CFAP47: variants seen among roughly 807,000 people sequenced by gnomAD.
CFAP47 encodes cilia- and flagella-associated protein 47.
CFAP47 carries 29 observed loss-of-function variants against 148.1 expected under a neutral mutation model. That is an observed-to-expected ratio of 0.20 (90% CI 0.15 to 0.27). The LOEUF (loss-of-function observed/expected upper bound fraction) is 0.27. CFAP47 is among the 10% of genes least tolerant of loss of function. The pLI, the probability that CFAP47 is intolerant of heterozygous loss-of-function variation, is 1.00. For missense variants in CFAP47, 1,872 were observed against 1,697.5 expected, an observed-to-expected ratio of 1.10 and a Z score of -1.81; for synonymous variants, 664 against 577.3, an observed-to-expected ratio of 1.15 and a Z score of -2.15.
intron 61 of CFAP47, among the ~76,000 whole-genome samples, chrX:36,362,345 T>A (rs1602126694): frequency 8.9e-6 from 1 of 112,117 alleles, no homozygotes; most frequent in South Asian, 3.7e-4. Context: ...GTTTGCAGCG[T>A]CTGTTTTTCC....
At chrX:35,969,924 TC>T (rs1363774739) in intron 10 of CFAP47, among the ~76,000 whole-genome samples, 1 of 111,750 alleles carries the variant, frequency 8.9e-6, no homozygotes, top group African/African-American at 3.2e-5. Flanking sequence ...TTCTTTTTTT[TC>T]ATTATACTTT....
At chrX:35,923,940 T>C (rs1935633603) in intron 1 of CFAP47, among the ~76,000 whole-genome samples, 1 of 75,204 alleles carries the variant, frequency 1.3e-5, no homozygotes, top group Admixed American at 1.6e-4. Context: ...TGTGTATATA[T>C]GTACATGTGT....
chrX:36,303,654 G>A (rs1347781166), intron 53 of CFAP47, among the ~76,000 whole-genome samples, 195 bp from the exon 54 acceptor site: 4 of 110,991 alleles, frequency 3.6e-5, no homozygotes, highest in Non-Finnish European at 7.5e-5. Context: ...ATTCCAGTAA[G>A]ACGTTATCTT....
At chrX:36,281,207 A>G (rs1347555520) in intron 50 of CFAP47, among the ~76,000 whole-genome samples, 1 of 112,218 alleles carries the variant, frequency 8.9e-6, no homozygotes, top group Non-Finnish European at 1.9e-5. Context: ...AGGCCTTAGT[A>G]AAGAAAAGTG....
chrX:36,149,584 TTTTA>T lies in CFAP47; in HGVS notation c.5786+389_5786+392del, dbSNP rs914889057. ...TGTATATAATTTAAAGATATATATA[TTTTA>T]TTTATTTATTTATTTATTTATTTAT... On this transcript the variant is annotated intron_variant, in intron 37 of 63. Coordinates refer to ENST00000378653, the MANE Select transcript of CFAP47 (RefSeq NM_001304548.2). Among the ~76,000 whole-genome samples, 105 of 99,777 alleles carry T rather than the reference TTTTA, an allele frequency of 1.1e-3. 2 individuals carry two copies. The highest frequency in any genetic ancestry group is 8.1e-3 in the East Asian group (25 of 3,073). The allele number at this position is 99,777 out of a possible 115,157, so 86.6% of individuals were successfully genotyped here. A position where few individuals can be genotyped will look rare whatever the true frequency, so the allele number is the denominator to read the frequency against.
chrX:36,106,645 A>C (rs1466825194), intron 33 of CFAP47, among the ~76,000 whole-genome samples: 1 of 111,854 alleles, frequency 8.9e-6, no homozygotes, highest in Non-Finnish European at 1.9e-5. Flanking sequence ...TTCAGCAGTA[A>C]AATGAAGTGA....
At chrX:36,325,309 G>A (rs1941509431) in intron 57 of CFAP47, among the ~76,000 whole-genome samples, 2 of 111,496 alleles carry the variant, frequency 1.8e-5, no homozygotes, top group South Asian at 3.7e-4. Flanking sequence ...CTATGTTAGA[G>A]ATGAGTATGC....
chrX:36,240,198 A>G (rs1350021248), intron 48 of CFAP47, among the ~76,000 whole-genome samples: 4 of 111,762 alleles, frequency 3.6e-5, no homozygotes, highest in African/African-American at 1.3e-4. Context: ...TCAATAAGAA[A>G]TTAATTATGA....
At chrX:36,371,179 C>A (rs1941929137) in intron 62 of CFAP47, among the ~76,000 whole-genome samples, 1 of 111,037 alleles carries the variant, frequency 9.0e-6, no homozygotes, top group South Asian at 3.7e-4. Context: ...GAATATCCTA[C>A]TTTTTACTAA....
At chrX:35,970,670 C>A in intron 10 of CFAP47, 98 bp from the exon 11 acceptor site, 1 of 595,863 alleles carries the variant, frequency 1.7e-6, no homozygotes. Context: ...CATTCCACAT[C>A]CAACACCTGA....
intron 33 of CFAP47, among the ~76,000 whole-genome samples, chrX:36,122,859 G>A (rs1218311808): frequency 9.0e-6 from 1 of 111,325 alleles, no homozygotes; most frequent in African/African-American, 3.3e-5. Context: ...GTTGATGCTT[G>A]TATATGTTCT....
chrX:36,144,265 C>T (rs750555396), intron 35 of CFAP47, among the ~76,000 whole-genome samples: 2 of 110,930 alleles, frequency 1.8e-5, no homozygotes, highest in East Asian at 5.7e-4. Flanking sequence ...TTCTGAGTTC[C>T]GACTAGCTTT....
In CFAP47 at chrX:36,085,445, G is replaced by C; in HGVS notation, c.4823G>C (p.Gly1608Ala). 4 of 1,205,000 alleles carry C rather than the reference G, an allele frequency of 3.3e-6. No homozygotes were observed. Among genetic ancestry groups the C allele is most frequent in the Non-Finnish European group, 4.5e-6 (4 of 890,779 alleles). Residue 1608 changes from glycine (G) to alanine (A), a missense_variant, in exon 30 of 64, where the codon GGA becomes GCA. Gly to Ala is a moderately conservative substitution (Grantham distance 60, BLOSUM62 0). Transcript: ENST00000378653. Reference protein sequence around the residue: ...LLHLSGKMPPGINSSQSLPVD... With the variant: ...LLHLSGKMPPAINSSQSLPVD... ...CATTTGAGTGGAAAAATGCCACCTG[G>C]AATTAATTCAAGTCAATCTTTACCT...
intron 57 of CFAP47, among the ~76,000 whole-genome samples, chrX:36,345,845 G>C (rs1556016468): frequency 9.0e-6 from 1 of 111,263 alleles, no homozygotes; most frequent in Non-Finnish European, 1.9e-5. Context: ...AATGTTACTA[G>C]ACCTTAGAAT....
intron 42 of CFAP47, among the ~76,000 whole-genome samples, chrX:36,198,567 A>G (rs1411432746): frequency 2.7e-5 from 3 of 112,690 alleles, no homozygotes; most frequent in Non-Finnish European, 5.6e-5. Context: ...AATGTAGGTT[A>G]TCCCCGTAAG....
Position 36,095,616 on chromosome X carries a change from G to GT in CFAP47, c.4917-3176dup, listed in dbSNP as rs746073888. Among the ~76,000 whole-genome samples the GT allele has an allele frequency of 3.6e-5, 4 of 111,431 alleles. No homozygotes were observed. In the South Asian group the frequency reaches 1.5e-3, roughly 42 times the overall value. ...CTTCCTGTTACAGTCTTGGTCAGCT[G>GT]TATGTGTCTAGGACTTTGTCCATTT... is the stretch of plus-strand genomic sequence containing the variant. On this transcript the variant is annotated intron_variant, in intron 30 of 63. Coordinates refer to ENST00000378653, the MANE Select transcript of CFAP47 (RefSeq NM_001304548.2).
chrX:36,059,399 C>T (rs187123592), intron 26 of CFAP47, among the ~76,000 whole-genome samples: 1 of 111,746 alleles, frequency 8.9e-6, no homozygotes, highest in African/African-American at 3.2e-5. Flanking sequence ...AATATTAACC[C>T]ATATAGGGTA....
chrX:36,306,796 A>G lies in CFAP47; in HGVS notation c.8107A>G (p.Thr2703Ala). ...SQLIISPHST[T>A]ELPVLFYPSA... The stretch of plus-strand genomic sequence containing the variant: ...GCTGATCATATCTCCTCACTCCACC[A>G]CAGAATTACCTGTTCTCTTTTATCC... The change falls in exon 55 of 64, where the codon ACA becomes GCA. Residue 2703 changes from threonine (T) to alanine (A), a missense_variant. Transcript: ENST00000378653. 8.6e-7 allele frequency: 1 copy of G among 1,159,450 alleles called. No homozygotes were observed.
chrX:36,359,917 A>AT (rs1312682013), intron 60 of CFAP47, among the ~76,000 whole-genome samples: 6 of 109,118 alleles, frequency 5.5e-5, no homozygotes, highest in Admixed American at 2.0e-4. Context: ...TGCCCAGCTA[A>AT]TTTTTTTTTG....
Sources: allele counts gnomAD v4.1 joint callset (sites outside exome capture counted in the v4.1 genomes callset), GRCh38; gene constraint gnomAD v4.1.1; transcripts MANE v1.5; gene names NCBI Gene and HGNC (gene_info 2026-07-23, HGNC 2026-07-21).